The following NXPH2 variants were observed in gnomAD, a reference collection of about 807,000 sequenced individuals.
NXPH2 encodes the protein neurexophilin-2.
A neutral mutation model predicts 19.8 loss-of-function variants in NXPH2; 5 were observed. The ratio of observed to expected loss-of-function variants is 0.25; its 90% CI spans 0.13 to 0.53. The LOEUF (loss-of-function observed/expected upper bound fraction) is 0.53. Among genes scored for constraint, NXPH2 ranks in the 20% least tolerant of loss-of-function variants. The probability of loss-of-function intolerance (pLI) is 0.96; values close to 1 mark genes in which losing one functional copy is unlikely to be tolerated. For missense variants in NXPH2, 289 were observed against 322.8 expected, an observed-to-expected ratio of 0.90 and a Z score of 0.80; for synonymous variants, 154 against 127.4, an observed-to-expected ratio of 1.21 and a Z score of -1.41.
intron 1 of NXPH2, among the ~76,000 whole-genome samples, chr2:138,686,973 T>A (rs552566126): frequency 3.3e-5 from 5 of 152,332 alleles, no homozygotes; most frequent in African/African-American, 1.2e-4. Context: ...TTGGGTTGGT[T>A]CCAAGTCTTT....
intron 1 of NXPH2, among the ~76,000 whole-genome samples, chr2:138,730,477 T>C (rs1253961562): frequency 2.0e-5 from 3 of 152,110 alleles, no homozygotes; most frequent in Non-Finnish European, 4.4e-5. Context: ...ACTTCTGAGG[T>C]GTGGTTATAA....
chr2:138,681,801 G>C (rs1280435957), intron 1 of NXPH2, among the ~76,000 whole-genome samples: 3 of 152,170 alleles, frequency 2.0e-5, no homozygotes, highest in African/African-American at 7.2e-5. Context: ...GTTTCAGAAT[G>C]ATGACCATTG....
At chr2:138,709,103 A>G (rs1470870789) in intron 1 of NXPH2, among the ~76,000 whole-genome samples, 1 of 152,064 alleles carries the variant, frequency 6.6e-6, no homozygotes. Context: ...GCTAATTCCA[A>G]TCAACGAGGA....
intron 1 of NXPH2, among the ~76,000 whole-genome samples, chr2:138,691,608 G>A (rs1680747853): frequency 6.6e-6 from 1 of 152,060 alleles, no homozygotes; most frequent in South Asian, 2.1e-4. Flanking sequence ...CTCACTATTG[G>A]GAGAAAGTTA....
rs1680395096 is a variant in NXPH2 at position 138,670,331 on chromosome 2, G to T, written c.*591C>A. Among the ~76,000 whole-genome samples, 2 of 152,192 alleles carry T rather than the reference G, an allele frequency of 1.3e-5. No homozygotes were observed. On this transcript the variant is annotated 3_prime_UTR_variant, in exon 2 of 2. Coordinates refer to ENST00000272641, the MANE Select transcript of NXPH2 (RefSeq NM_007226.3). Reference sequence around the variant, plus strand: ...TCACATTCCACGCAACTGTAGCTCAGATGATAAGGAACTTGGTTCCACTGT... The same window carrying T: ...TCACATTCCACGCAACTGTAGCTCATATGATAAGGAACTTGGTTCCACTGT...
intron 1 of NXPH2, among the ~76,000 whole-genome samples, chr2:138,682,421 C>T (rs1680592165): frequency 6.6e-6 from 1 of 151,894 alleles, no homozygotes; most frequent in Admixed American, 6.6e-5. Context: ...ACAGAACTGT[C>T]ACAGTAGATT....
chr2:138,699,668 A>C (rs1006420946), intron 1 of NXPH2, among the ~76,000 whole-genome samples: 1 of 152,096 alleles, frequency 6.6e-6, no homozygotes, highest in African/African-American at 2.4e-5. Context: ...CAGGCTTCTG[A>C]GAAGGATGAA....
chr2:138,750,309 T>G (rs954341042), intron 1 of NXPH2, among the ~76,000 whole-genome samples: 3 of 152,102 alleles, frequency 2.0e-5, no homozygotes, highest in Non-Finnish European at 4.4e-5. Context: ...GTAAATAGAG[T>G]AAGTAACCTG....
At chr2:138,779,293 C>T (rs1215112875) in intron 1 of NXPH2, among the ~76,000 whole-genome samples, 2 of 152,174 alleles carry the variant, frequency 1.3e-5, no homozygotes, top group Non-Finnish European at 2.9e-5. Flanking sequence ...AAAGCACTCC[C>T]CTTCTGTAAT....
chr2:138,724,322 C>T (rs1681325071), intron 1 of NXPH2, among the ~76,000 whole-genome samples: 1 of 152,228 alleles, frequency 6.6e-6, no homozygotes, highest in African/African-American at 2.4e-5. Flanking sequence ...AATGTTGCAT[C>T]CATTTAGCAT....
At chr2:138,713,118 C>T (rs1304489653) in intron 1 of NXPH2, among the ~76,000 whole-genome samples, 1 of 152,182 alleles carries the variant, frequency 6.6e-6, no homozygotes, top group Non-Finnish European at 1.5e-5. Flanking sequence ...CCCAAGGGGC[C>T]TCCTTCTGGG....
At chr2:138,719,693 G>A (rs1300108274) in intron 1 of NXPH2, among the ~76,000 whole-genome samples, 1 of 151,928 alleles carries the variant, frequency 6.6e-6, no homozygotes, top group Non-Finnish European at 1.5e-5. Flanking sequence ...TGGGTAACAT[G>A]GCAAGACCTC....
chr2:138,755,764 A>C (rs1681897025), intron 1 of NXPH2, among the ~76,000 whole-genome samples: 1 of 152,266 alleles, frequency 6.6e-6, no homozygotes, highest in Admixed American at 6.5e-5. Context: ...GTTAGGAATA[A>C]ATGACATTTT....
At chr2:138,715,750 C>G (rs1681187692) in intron 1 of NXPH2, among the ~76,000 whole-genome samples, 1 of 152,188 alleles carries the variant, frequency 6.6e-6, no homozygotes, top group Non-Finnish European at 1.5e-5. Flanking sequence ...TATTTTCCCT[C>G]TAGAGGTCTA....
intron 1 of NXPH2, among the ~76,000 whole-genome samples, chr2:138,744,473 A>T (rs183625008): frequency 1.3e-5 from 2 of 152,246 alleles, no homozygotes; most frequent in Non-Finnish European, 2.9e-5. Flanking sequence ...TGGCTGTTCC[A>T]TTAGTACCCA....
rs558623836 is a variant in NXPH2 at position 138,731,069 on chromosome 2, C to T, written c.51+49122G>A. Among the ~76,000 whole-genome samples, 10 of 152,272 alleles carry T rather than the reference C, an allele frequency of 6.6e-5. No individual in the cohort carries two copies. The East Asian group carries it at 1.7e-3, about 26-fold the overall frequency. Reference sequence around the variant, plus strand: ...CATTGTCTTACAGGTCCCTGTTCCTCTCCTTCAGAGCTTCCCTAAATATTT... The same window carrying T: ...CATTGTCTTACAGGTCCCTGTTCCTTTCCTTCAGAGCTTCCCTAAATATTT... On this transcript the variant is annotated intron_variant, in intron 1 of 1. Transcript: ENST00000272641.
intron 1 of NXPH2, among the ~76,000 whole-genome samples, chr2:138,745,719 T>C (rs1361482337): frequency 6.6e-6 from 1 of 152,160 alleles, no homozygotes; most frequent in Non-Finnish European, 1.5e-5. Flanking sequence ...GGAAACATAA[T>C]GTTGGGTTAA....
intron 1 of NXPH2, among the ~76,000 whole-genome samples, chr2:138,753,266 G>A (rs2104834703): frequency 6.6e-6 from 1 of 152,266 alleles, no homozygotes; most frequent in East Asian, 1.9e-4. Context: ...CATTGACCAA[G>A]ATTTGACCAC....
At chr2:138,770,771 T>A (rs1028184769) in intron 1 of NXPH2, among the ~76,000 whole-genome samples, 5 of 152,016 alleles carry the variant, frequency 3.3e-5, no homozygotes, top group African/African-American at 1.2e-4. Context: ...AAAGAACAAT[T>A]GTGCGTGAGC....
Sources: gnomAD v4.1 joint callset for allele counts (sites outside exome capture counted in the v4.1 genomes callset) on GRCh38, gnomAD v4.1.1 for gene constraint, MANE v1.5 for transcripts, NCBI Gene and HGNC (gene_info 2026-07-23, HGNC 2026-07-21) for gene names.